Variants in BCAS3 observed in about 807,000 individuals in gnomAD.
The protein encoded by BCAS3 is BCAS3 microtubule associated cell migration factor, also known as BCAS4/BCAS3 fusion.
BCAS3 carries 53 observed loss-of-function variants against 116.1 expected under a neutral mutation model. The observed-to-expected ratio is 0.46, with a 90% CI of 0.37 to 0.57. The LOEUF (loss-of-function observed/expected upper bound fraction) is 0.57. Ranked by LOEUF, BCAS3 falls within the 20% of genes least tolerant of loss-of-function variation. The pLI is 0.00. For missense variants in BCAS3, 917 were observed against 1,165.4 expected, an observed-to-expected ratio of 0.79 and a Z score of 3.10; for synonymous variants, 391 against 408.2, an observed-to-expected ratio of 0.96 and a Z score of 0.51.
At chr17:60,853,073 C>T (rs1490430701) in intron 7 of BCAS3, among the ~76,000 whole-genome samples, 2 of 152,110 alleles carry the variant, frequency 1.3e-5, no homozygotes, top group African/African-American at 4.8e-5. Flanking sequence ...AATGGGTAAA[C>T]ATTGGTACAT....
chr17:60,790,740 G>GTTTTTTT (rs541425777), intron 6 of BCAS3, among the ~76,000 whole-genome samples: 2 of 118,968 alleles, frequency 1.7e-5, no homozygotes, highest in Admixed American at 8.5e-5. Flanking sequence ...GTGTTTGTAG[G>GTTTTTTT]TTTTTTTTTT....
intron 14 of BCAS3, among the ~76,000 whole-genome samples, chr17:60,968,934 A>G (rs2061804127): frequency 6.6e-6 from 1 of 151,834 alleles, no homozygotes; most frequent in Non-Finnish European, 1.5e-5. Flanking sequence ...AGAGCACCCA[A>G]GATGGTGGGA....
At chr17:60,731,444 C>T (rs1256878154) in intron 5 of BCAS3, among the ~76,000 whole-genome samples, 1 of 152,094 alleles carries the variant, frequency 6.6e-6, no homozygotes, top group South Asian at 2.1e-4. Flanking sequence ...AACTCCTGAC[C>T]TCAGGTGATC....
At chr17:60,678,261 T>G (rs1271943724) in intron 1 of BCAS3, among the ~76,000 whole-genome samples, 2 of 151,764 alleles carry the variant, frequency 1.3e-5, no homozygotes. Context: ...GGGCTGGAGG[T>G]GCAGGTATCC....
chr17:60,798,774 G>T (rs9902313), intron 6 of BCAS3, among the ~76,000 whole-genome samples: 34,843 of 152,088 alleles, frequency 0.23, 7,256 homozygotes, highest in African/African-American at 0.56. Flanking sequence ...TCCTCCAATG[G>T]GGCTGTGCTC....
At chr17:61,384,860 C>T (rs2059770416) in intron 23 of BCAS3, among the ~76,000 whole-genome samples, 1 of 152,152 alleles carries the variant, frequency 6.6e-6, no homozygotes, top group South Asian at 2.1e-4. Flanking sequence ...AGCTCTGAAG[C>T]CTGAGGGAGG....
At chr17:61,322,830 C>CAGAGAGAGAGAG (rs1237128472) in intron 22 of BCAS3, among the ~76,000 whole-genome samples, 3 of 75,434 alleles carry the variant, frequency 4.0e-5, no homozygotes, top group Non-Finnish European at 2.8e-5. Flanking sequence ...GAGAGAGAGA[C>CAGAGAGAGAGAG]AGAGAGAGAG....
intron 19 of BCAS3, among the ~76,000 whole-genome samples, chr17:61,042,789 C>T (rs1401971627): frequency 6.8e-6 from 1 of 146,686 alleles, no homozygotes; most frequent in Non-Finnish European, 1.5e-5. Flanking sequence ...ACCTGGGAGG[C>T]TGAGGCAGGA....
chr17:60,711,951 C>T (rs2037976369), intron 5 of BCAS3, among the ~76,000 whole-genome samples: 1 of 151,944 alleles, frequency 6.6e-6, no homozygotes. Context: ...CATTTGAGGT[C>T]AGGAATTCGA....
intron 4 of BCAS3, among the ~76,000 whole-genome samples, chr17:60,692,272 C>T (rs998361706): frequency 6.6e-6 from 1 of 152,088 alleles, no homozygotes; most frequent in African/African-American, 2.4e-5. Flanking sequence ...TGGAGTCTCT[C>T]TCTGTCACCC....
intron 7 of BCAS3, among the ~76,000 whole-genome samples, chr17:60,863,105 T>G (rs76309818): frequency 0.086 from 13,153 of 152,228 alleles, 709 homozygotes; most frequent in Non-Finnish European, 0.12. Context: ...TTGGAGCAAT[T>G]TAATTTTTTT....
chr17:61,142,840 A>G (rs894892076), intron 22 of BCAS3, among the ~76,000 whole-genome samples: 11 of 152,108 alleles, frequency 7.2e-5, no homozygotes, highest in Non-Finnish European at 1.6e-4. Context: ...TTCTATTTTG[A>G]TGTATGTTCA....
chr17:61,392,221 T>TTCA lies in BCAS3; in HGVS notation c.*100_*102dup. 1 of 1,403,742 alleles carries TTCA rather than the reference T, an allele frequency of 7.1e-7. No individual in the cohort carries two copies. The highest frequency in any genetic ancestry group is 9.7e-7 in the Non-Finnish European group (1 of 1,034,824). 87.0% of individuals were successfully genotyped at this position (1,403,742 alleles called of 1,614,324 possible). ...CCTACCCTTCAGTCTCTGCTCTTCC[T>TTCA]TCATCAACCACCTTCCCCAAGCTTA... is the stretch of plus-strand genomic sequence containing the variant. On this transcript the variant is annotated 3_prime_UTR_variant, in exon 24 of 24. Coordinates refer to ENST00000407086, the MANE Select transcript of BCAS3 (RefSeq NM_017679.5). The surrounding 1 kb of genome is among the most constrained non-coding windows in gnomAD (Gnocchi z 6.4).
chr17:61,104,198 C>G lies in BCAS3; in HGVS notation c.2425+19634C>G, dbSNP rs756502714. Among the ~76,000 whole-genome samples, 2 of 152,084 alleles carry G rather than the reference C, an allele frequency of 1.3e-5. No individual in the cohort carries two copies. Among genetic ancestry groups the G allele is most frequent in the Non-Finnish European group, 2.9e-5 (2 of 68,030 alleles). On this transcript the variant is annotated intron_variant, in intron 22 of 23. Coordinates refer to ENST00000407086, the MANE Select transcript of BCAS3 (RefSeq NM_017679.5). This position sits in a 1 kb window ranked among gnomAD's most constrained non-coding sequence, Gnocchi z 4.1. ...CCAGGAGTTGGGTGGGCTTGATGTC[C>G]TCTCTCCCATTCCACCTCCCCACCC...
chr17:60,784,878 CTGAGG>C (rs1304611295), intron 6 of BCAS3, among the ~76,000 whole-genome samples: 1 of 151,922 alleles, frequency 6.6e-6, no homozygotes, highest in Non-Finnish European at 1.5e-5. Context: ...GATGGAGCAC[CTGAGG>C]TGAGGAGTTT....
chr17:60,698,267 C>CTTT (rs2035907324), intron 4 of BCAS3, among the ~76,000 whole-genome samples: 2 of 149,986 alleles, frequency 1.3e-5, no homozygotes, highest in East Asian at 1.9e-4. Flanking sequence ...GAAAGGAAAG[C>CTTT]CAAGGAAAAA....
Position 61,327,301 on chromosome 17 carries a change from AAAAAT to A in BCAS3, c.2426-41011_2426-41007del, listed in dbSNP as rs943148726. Among the ~76,000 whole-genome samples, 41 of 152,188 alleles carry A rather than the reference AAAAAT, an allele frequency of 2.7e-4. No individual in the cohort carries two copies. Among genetic ancestry groups the A allele is most frequent in the Non-Finnish European group, 5.0e-4 (34 of 68,044 alleles). On this transcript the variant is annotated intron_variant, in intron 22 of 23. Coordinates refer to ENST00000407086, the MANE Select transcript of BCAS3 (RefSeq NM_017679.5). This position sits in a 1 kb window ranked among gnomAD's most constrained non-coding sequence, Gnocchi z 5.9. ...TGGCAACAGAGTGAAACTCCGTCTC[AAAAAT>A]AAAATAAAATAAAAATAAAAATAAA...
rs933288540 is a variant in BCAS3, at chr17:61,188,265, T to C, written c.2425+103701T>C. Among the ~76,000 whole-genome samples, 1 of 152,228 alleles carries C rather than the reference T, an allele frequency of 6.6e-6. No homozygotes were observed. Among genetic ancestry groups the C allele is most frequent in the Non-Finnish European group, 1.5e-5 (1 of 68,044 alleles). On this transcript the variant is annotated intron_variant, in intron 22 of 23. Transcript: ENST00000407086. The surrounding 1 kb of genome is among the most constrained non-coding windows in gnomAD (Gnocchi z 4.0). ...TTAAGGATCTATTGAGTTGGTACCC[T>C]GATACCTGAAACCTCCTACTTCTCT... is the stretch of plus-strand genomic sequence containing the variant.
At chr17:61,086,403 A>G (rs776981556) in intron 22 of BCAS3, among the ~76,000 whole-genome samples, 4 of 152,112 alleles carry the variant, frequency 2.6e-5, no homozygotes, top group Non-Finnish European at 5.9e-5. Flanking sequence ...AACATTCCAT[A>G]TTTATCATGT....
Sources: allele counts gnomAD v4.1 joint callset (sites outside exome capture counted in the v4.1 genomes callset), GRCh38; gene constraint gnomAD v4.1.1; non-coding constraint Gnocchi (gnomAD v3.1); transcripts MANE v1.5; gene names NCBI Gene and HGNC (gene_info 2026-07-23, HGNC 2026-07-21).